MTCH2: variants seen among roughly 807,000 people sequenced by gnomAD.
MTCH2 encodes mitochondrial carrier homolog 2.
In MTCH2, 25 loss-of-function variants were observed where a neutral mutation model predicts 50.6. The ratio of observed to expected loss-of-function variants is 0.49; its 90% CI spans 0.36 to 0.69. MTCH2 has a LOEUF of 0.69. Among genes scored for constraint, MTCH2 ranks in the 30% least tolerant of loss-of-function variants. The probability of loss-of-function intolerance (pLI) is 0.00; values close to 1 mark genes in which losing one functional copy is unlikely to be tolerated. For synonymous variants in MTCH2, 106 were observed against 132.0 expected (o/e 0.80, Z 1.35); for missense variants, 273 against 384.4 (o/e 0.71, Z 2.42).
At chr11:47,640,957 C>T (rs542985770) in intron 1 of MTCH2, among the ~76,000 whole-genome samples, 3 of 152,136 alleles carry the variant, frequency 2.0e-5, no homozygotes, top group African/African-American at 4.8e-5. Context: ...AGTACAATGG[C>T]GCGATCTCGG....
intron 5 of MTCH2, among the ~76,000 whole-genome samples, chr11:47,633,527 T>TATATATATATATATATATATATATATA (rs59398950): frequency 4.7e-4 from 9 of 19,062 alleles, no homozygotes; most frequent in Admixed American, 8.9e-4. Context: ...TATATATATA[T>TATATATATATATATATATATATATATA]TTTTTTTTTT....
intron 11 of MTCH2, 89 bp downstream of exon 11, chr11:47,625,585 C>T: frequency 2.4e-6 from 2 of 827,218 alleles, no homozygotes; most frequent in Non-Finnish European, 3.6e-6. Flanking sequence ...TGATACTGAT[C>T]ATTCATCTTT....
At chr11:47,606,058 T>G in the MTCH2 span, among the ~76,000 whole-genome samples, 2 of 152,214 alleles carry the variant, frequency 1.3e-5, no homozygotes, top group African/African-American at 4.8e-5. Flanking sequence ...GCCCCTGTCC[T>G]TTTCGCCGCA....
intron 9 of MTCH2, among the ~76,000 whole-genome samples, chr11:47,628,424 C>T (rs1029435979): frequency 5.9e-5 from 9 of 152,272 alleles, no homozygotes; most frequent in Admixed American, 1.3e-4. Flanking sequence ...TCACATCTTA[C>T]GGACTTTTAA....
downstream of MTCH2, among the ~76,000 whole-genome samples, chr11:47,613,945 G>A (rs542480306): frequency 5.3e-5 from 8 of 152,192 alleles, no homozygotes; most frequent in Admixed American, 1.3e-4. Flanking sequence ...AATGAGCCGC[G>A]GGTGGTGACA....
chr11:47,626,313 C>T (rs1234202383), intron 10 of MTCH2, among the ~76,000 whole-genome samples: 1 of 151,354 alleles, frequency 6.6e-6, no homozygotes, highest in Non-Finnish European at 1.5e-5. Flanking sequence ...CAGGAGTGAG[C>T]CACCGCGCCT....
At position 47,618,589 on chromosome 11, in the gene MTCH2, G is replaced by A; in HGVS notation, c.*244C>T. The A allele has an allele frequency of 4.3e-6, 2 of 461,916 alleles. No homozygotes were observed. The highest frequency in any genetic ancestry group is 7.7e-6 in the Non-Finnish European group (2 of 261,200). The allele number at this position is 461,916 out of a possible 1,614,324, so 28.6% of individuals were successfully genotyped here. On this transcript the variant is annotated 3_prime_UTR_variant, in exon 13 of 13. Transcript: ENST00000302503. ...GAAAATACAACTTTTTTTCCCTTCT[G>A]GTTAAGTAAAATAAGAATTTGGAGC...
At chr11:47,630,925 T>A in intron 7 of MTCH2, 111 bp downstream of exon 7, 1 of 926,780 alleles carries the variant, frequency 1.1e-6, no homozygotes, top group Admixed American at 2.3e-5. Flanking sequence ...TGACATCAGA[T>A]ACGAATTTGT....
rs764140405 is a variant in MTCH2, at chr11:47,630,618, C to A, written c.480-4G>T. On this transcript the variant is annotated splice_polypyrimidine_tract_variant and splice_region_variant and intron_variant, in intron 7 of 12. Coordinates refer to ENST00000302503, the MANE Select transcript of MTCH2 (RefSeq NM_014342.4). ...TATTATGGAATCACAAAGTCCACTACGTACACAAGAAGAAAAGGTAAAATA... is the reference window on the plus strand; with the variant it reads ...TATTATGGAATCACAAAGTCCACTAAGTACACAAGAAGAAAAGGTAAAATA... 1.1e-5 allele frequency: 18 copies of A among 1,607,248 alleles called. No homozygotes were observed. Among genetic ancestry groups the A allele is most frequent in the Non-Finnish European group, 1.3e-5 (15 of 1,174,400 alleles).
intron 3 of MTCH2, among the ~76,000 whole-genome samples, chr11:47,636,723 A>G (rs1283707952): frequency 6.6e-6 from 1 of 150,816 alleles, no homozygotes; most frequent in Non-Finnish European, 1.5e-5. Flanking sequence ...CAAGAGTGAA[A>G]CTCTGTCTCA....
chr11:47,616,113 C>T (rs1319349596), downstream of MTCH2, among the ~76,000 whole-genome samples: 1 of 152,066 alleles, frequency 6.6e-6, no homozygotes, highest in Non-Finnish European at 1.5e-5. Context: ...CATGTGCCAC[C>T]ACGCCCAGCT....
At chr11:47,642,171 T>C (rs777726974) in intron 1 of MTCH2, among the ~76,000 whole-genome samples, 5 of 151,968 alleles carry the variant, frequency 3.3e-5, no homozygotes, top group Non-Finnish European at 7.4e-5. Context: ...GCCTCAACGC[T>C]GGGCGGCGAG....
At chr11:47,614,054 C>CAG (rs902598332), downstream of MTCH2, among the ~76,000 whole-genome samples, 1 of 151,420 alleles carries the variant, frequency 6.6e-6, no homozygotes, top group Non-Finnish European at 1.5e-5. Flanking sequence ...CACTGCAAGA[C>CAG]AGAGAGAGAC....
downstream of MTCH2, among the ~76,000 whole-genome samples, chr11:47,613,605 A>G (rs1365574675): frequency 1.3e-5 from 2 of 152,218 alleles, no homozygotes; most frequent in African/African-American, 2.4e-5. Context: ...CTTTTCATCT[A>G]TATAAACCAT....
At chr11:47,621,346 C>A (rs963843312) in intron 12 of MTCH2, among the ~76,000 whole-genome samples, 1 of 152,132 alleles carries the variant, frequency 6.6e-6, no homozygotes, top group African/African-American at 2.4e-5. Flanking sequence ...AAGTGGACCC[C>A]CCTTCAAAAA....
intron 8 of MTCH2, 64 bp downstream of exon 8, chr11:47,630,491 T>C (rs1169135051): frequency 4.5e-6 from 6 of 1,347,996 alleles, no homozygotes; most frequent in African/African-American, 4.3e-5. Flanking sequence ...AGACTCACTA[T>C]TCTTACTTTC....
Position 47,618,899 on chromosome 11 carries a change from A to G in MTCH2, c.846T>C (p.Asn282=), listed in dbSNP as rs2097290626. 2.3e-6 allele frequency: 3 copies of G among 1,330,712 alleles called. No homozygotes were observed. Among genetic ancestry groups the G allele is most frequent in the Non-Finnish European group, 2.9e-6 (3 of 1,034,574 alleles). The allele number at this position is 1,330,712 out of a possible 1,614,324, so 82.4% of individuals were successfully genotyped here. Residue 282 remains asparagine, a synonymous_variant, in exon 13 of 13, where the codon AAT becomes AAC. Transcript: ENST00000302503. ...AGGGGACCTTCCGGAAAAATAAGCTATTTCCTCGGCTCATATTCCCCTGGA... is the reference window on the plus strand; with the variant it reads ...AGGGGACCTTCCGGAAAAATAAGCTGTTTCCTCGGCTCATATTCCCCTGGA... ...LQKEGNMSRG[N]SLFFRKVPFG...
the MTCH2 span, among the ~76,000 whole-genome samples, chr11:47,609,140 A>AAAAAAAG: frequency 6.1e-3 from 568 of 93,124 alleles, 4 homozygotes; most frequent in Middle Eastern, 0.027. Context: ...AAAAAAAAAA[A>AAAAAAAG]AAAAAAGAAA....
At chr11:47,641,126 C>A (rs987649687) in intron 1 of MTCH2, among the ~76,000 whole-genome samples, 2 of 152,022 alleles carry the variant, frequency 1.3e-5, no homozygotes, top group Non-Finnish European at 2.9e-5. Context: ...CAAACATCGA[C>A]CTCGTGATCC....
Sources: allele counts gnomAD v4.1 joint callset (sites outside exome capture counted in the v4.1 genomes callset), GRCh38; gene constraint gnomAD v4.1.1; transcripts MANE v1.5; gene names NCBI Gene and HGNC (gene_info 2026-07-23, HGNC 2026-07-21).